Variants in CCDC40 observed in about 807,000 individuals in gnomAD.
CCDC40 encodes coiled-coil domain 40 molecular ruler complex subunit, also known as coiled-coil domain-containing protein 40.
A neutral mutation model predicts 124.5 loss-of-function variants in CCDC40; 104 were observed. The observed-to-expected ratio is 0.84, with a 90% CI of 0.71 to 0.98. The LOEUF (loss-of-function observed/expected upper bound fraction) is 0.98. CCDC40 is among the 50% of genes least tolerant of loss of function. The pLI is 0.00. For missense variants in CCDC40, 1,463 were observed against 1,503.9 expected (o/e 0.97, Z 0.45); for synonymous variants, 580 against 602.9 (o/e 0.96, Z 0.56).
At chr17:80,080,410 A>G (rs1270609859) in intron 10 of CCDC40, among the ~76,000 whole-genome samples, 2 of 152,208 alleles carry the variant, frequency 1.3e-5, no homozygotes, top group Non-Finnish European at 2.9e-5. Context: ...TTTCATTTGA[A>G]TCAGTATTTT....
chr17:80,089,612 C>A, intron 16 of CCDC40, 152 bp from the exon 17 acceptor site: 1 of 797,002 alleles, frequency 1.3e-6, no homozygotes, highest in Non-Finnish European at 2.0e-6. Flanking sequence ...CAGTAGTGAA[C>A]ACTTCAGGCT....
chr17:80,071,831 CTTTTT>C (rs35874742), intron 10 of CCDC40, among the ~76,000 whole-genome samples: 7 of 88,970 alleles, frequency 7.9e-5, no homozygotes, highest in Non-Finnish European at 1.4e-4. Flanking sequence ...GGTTTTTCAG[CTTTTT>C]TTTTTTTTTT....
chr17:80,066,300 C>G lies in CCDC40; in HGVS notation c.1562+694C>G. 4.9e-6 allele frequency: 3 copies of G among 610,854 alleles called. No homozygotes were observed. Among genetic ancestry groups the G allele is most frequent in the Non-Finnish European group, 3.0e-6 (1 of 335,944 alleles). The allele number at this position is 610,854 out of a possible 1,614,324, so 37.8% of individuals were successfully genotyped here. ...AAAGGCTGGACCAAGGAATGAGGGT[C>G]TGGCTGGCCCCACAGCACCCGCAGC... On this transcript the variant is annotated intron_variant, in intron 10 of 19. Transcript: ENST00000397545. The surrounding 1 kb of genome is among the most constrained non-coding windows in gnomAD (Gnocchi z 4.4).
At chr17:80,071,105 C>T (rs146767003) in intron 10 of CCDC40, among the ~76,000 whole-genome samples, 202 of 152,280 alleles carry the variant, frequency 1.3e-3, no homozygotes, top group African/African-American at 4.6e-3. Context: ...CCATCACATA[C>T]GCAGGGAAAT....
intron 10 of CCDC40, among the ~76,000 whole-genome samples, chr17:80,075,698 C>A (rs1441753233): frequency 6.6e-6 from 1 of 152,126 alleles, no homozygotes; most frequent in Admixed American, 6.5e-5. Context: ...AGGCTGGTCT[C>A]GAACTCCTGA....
chr17:80,077,370 A>G (rs1368849155), intron 10 of CCDC40, among the ~76,000 whole-genome samples: 1 of 152,112 alleles, frequency 6.6e-6, no homozygotes, highest in African/African-American at 2.4e-5. Flanking sequence ...AAAAATACCA[A>G]AAATTAGCTG....
At chr17:80,059,582 CAG>C (rs974708709) in intron 9 of CCDC40, among the ~76,000 whole-genome samples, 19 of 145,484 alleles carry the variant, frequency 1.3e-4, no homozygotes, top group African/African-American at 4.7e-4. Flanking sequence ...TTTTTTGAGA[CAG>C]AGTCTCGCTC....
intron 16 of CCDC40, 131 bp from the exon 17 acceptor site, chr17:80,089,633 C>T: frequency 8.9e-7 from 1 of 1,127,470 alleles, no homozygotes; most frequent in Non-Finnish European, 1.3e-6. Context: ...TTGAGAGCCT[C>T]ACGCTTTCTG....
intron 16 of CCDC40, chr17:80,089,514 C>T (rs1314966834): frequency 2.3e-6 from 1 of 435,590 alleles, no homozygotes; most frequent in Non-Finnish European, 4.4e-6. Flanking sequence ...CCTGTTCTCT[C>T]TCTCTCTGTC....
chr17:80,056,567 T>A (rs542575223), intron 7 of CCDC40, among the ~76,000 whole-genome samples: 1 of 152,210 alleles, frequency 6.6e-6, no homozygotes, highest in African/African-American at 2.4e-5. Flanking sequence ...TGAGCTATGA[T>A]TGTGCGACTG....
intron 5 of CCDC40, among the ~76,000 whole-genome samples, chr17:80,049,693 C>A (rs947976586): frequency 1.3e-5 from 2 of 152,022 alleles, no homozygotes; most frequent in African/African-American, 2.4e-5. Flanking sequence ...CCAAAATATG[C>A]ACTCAGTTCT....
intron 10 of CCDC40, among the ~76,000 whole-genome samples, chr17:80,068,634 G>T (rs1170616559): frequency 6.6e-6 from 1 of 151,816 alleles, no homozygotes; most frequent in East Asian, 1.9e-4. Context: ...TACCCTGGTG[G>T]CTGTCTGGGC....
At chr17:80,095,759 C>T (rs908783464) in intron 18 of CCDC40, among the ~76,000 whole-genome samples, 3 of 152,240 alleles carry the variant, frequency 2.0e-5, no homozygotes, top group South Asian at 2.1e-4. Context: ...GCAGAATGCC[C>T]GCACCGGACA....
Position 80,084,851 on chromosome 17 carries a change from C to A in CCDC40, c.2098C>A (p.Gln700Lys). The change falls in exon 13 of 20, where the codon CAG (glutamine) becomes AAG (lysine). Residue 700 changes from glutamine (Q) to lysine (K), a missense_variant. Physicochemically the swap from Gln to Lys is moderately conservative, Grantham distance 53. Transcript: ENST00000397545. ...CCAGAAGACCCTGGTGGAGCTGGAC[C>A]AGGACGTGAAGAAAGTCAACGAGCT... ...AHQKTLVELD[Q>K]DVKKVNELIT... 1 of 1,614,164 alleles carries A rather than the reference C, an allele frequency of 6.2e-7. No individual in the cohort carries two copies. Among genetic ancestry groups the A allele is most frequent in the Non-Finnish European group, 8.5e-7 (1 of 1,180,040 alleles).
rs202179507 is a variant in CCDC40 at position 80,099,792 on chromosome 17, C to T, written c.*17C>T. The T allele has an allele frequency of 6.6e-4, 1,065 of 1,611,498 alleles. 3 individuals carry two copies. Among genetic ancestry groups the T allele is most frequent in the Non-Finnish European group, 8.4e-4 (994 of 1,179,660 alleles). ...CCCTCCTAGGGAGCAGCCTGGACTC[C>T]GCCTTGCAAGGCCTCCAGGAAGAGA... On this transcript the variant is annotated 3_prime_UTR_variant, in exon 20 of 20. Coordinates refer to ENST00000397545, the MANE Select transcript of CCDC40 (RefSeq NM_017950.4).
At chr17:80,095,219 G>T (rs752004220) in intron 17 of CCDC40, 44 bp from the exon 18 acceptor site, 1 of 1,596,152 alleles carries the variant, frequency 6.3e-7, no homozygotes, top group Admixed American at 1.7e-5. Flanking sequence ...TGCAGCTGCA[G>T]CTCAGGCCTG....
In CCDC40 at chr17:80,047,358, ACAT is replaced by A; in HGVS notation, c.634_636del (p.Ile212del). On this transcript the variant is annotated inframe_deletion, in exon 4 of 20. Transcript: ENST00000397545. ...CGCTTCCGGCTGAGCCACGGGAGCG[ACAT>A]CGAGTCCTCAGACCTGGAGGAGTTC... is the stretch of plus-strand genomic sequence containing the variant. 1.2e-6 allele frequency: 2 copies of A among 1,613,766 alleles called. No homozygotes were observed. The highest frequency in any genetic ancestry group is 1.7e-6 in the Non-Finnish European group (2 of 1,179,888).
intron 9 of CCDC40, among the ~76,000 whole-genome samples, chr17:80,063,250 C>T (rs2037950887): frequency 6.6e-6 from 1 of 152,072 alleles, no homozygotes; most frequent in South Asian, 2.1e-4. Context: ...ATTTCGCACA[C>T]ACACACAATC....
At chr17:80,049,498 A>G (rs1046196408) in intron 5 of CCDC40, among the ~76,000 whole-genome samples, 41 of 152,150 alleles carry the variant, frequency 2.7e-4, no homozygotes, top group African/African-American at 8.7e-4. Flanking sequence ...GAGGGCACCA[A>G]TTGGATCGCA....
Sources: gnomAD v4.1 joint callset for allele counts (sites outside exome capture counted in the v4.1 genomes callset) on GRCh38, gnomAD v4.1.1 for gene constraint, Gnocchi (gnomAD v3.1) non-coding constraint, MANE v1.5 for transcripts, NCBI Gene and HGNC (gene_info 2026-07-23, HGNC 2026-07-21) for gene names.